The following STOX1 variants were observed in gnomAD, a reference collection of about 807,000 sequenced individuals.
STOX1 encodes storkhead-box protein 1.
In STOX1, 57 loss-of-function variants were observed where a neutral mutation model predicts 74.8. The observed-to-expected ratio is 0.76, with a 90% CI of 0.62 to 0.95. The LOEUF is 0.95. Ranked by LOEUF, STOX1 falls within the 40% of genes least tolerant of loss-of-function variation. The pLI, the probability that STOX1 is intolerant of heterozygous loss-of-function variation, is 0.00. For synonymous variants in STOX1, 375 were observed against 401.3 expected (o/e 0.93, Z 0.78); for missense variants, 1,010 against 1,117.0 (o/e 0.90, Z 1.37).
rs1348407278 is a variant in STOX1 at position 68,885,233 on chromosome 10, T to C, written c.1437T>C (p.Ile479=). 2 of 1,614,162 alleles carry C rather than the reference T, an allele frequency of 1.2e-6. No homozygotes were observed. The highest frequency in any genetic ancestry group is 3.3e-5 in the Admixed American group (2 of 60,022). Residue 479 remains isoleucine (I), a synonymous_variant, in exon 3 of 4, where the codon ATT becomes ATC. Transcript: ENST00000298596. The part of the protein sequence containing the change: ...EMVGQKPLGE[I]TTVLGSHLIY... The stretch of plus-strand genomic sequence containing the variant: ...TAGGTCAGAAACCACTTGGTGAGAT[T>C]ACAACAGTGCTAGGTTCCCATTTGA...
intron 1 of STOX1, among the ~76,000 whole-genome samples, chr10:68,863,655 T>C (rs1227066590): frequency 6.6e-6 from 1 of 152,128 alleles, no homozygotes; most frequent in South Asian, 2.1e-4. Flanking sequence ...AGCCTTAATG[T>C]GAGTGATGTA....
Position 68,885,820 on chromosome 10 carries a change from C to G in STOX1, c.2024C>G (p.Pro675Arg). ...QFQNLGLLDY[P>R]VGVNPLRQAA... ...CAAAATCTTGGCCTTTTGGATTACC[C>G]AGTTGGCGTGAACCCTTTAAGACAA... The change falls in exon 3 of 4, where the codon CCA becomes CGA. Residue 675 changes from proline to arginine, a missense_variant. Pro to Arg is a moderately radical substitution (Grantham distance 103). Transcript: ENST00000298596. 1 of 1,614,034 alleles carries G rather than the reference C, an allele frequency of 6.2e-7. No homozygotes were observed. The highest frequency in any genetic ancestry group is 8.5e-7 in the Non-Finnish European group (1 of 1,180,026).
chr10:68,884,466 A>G lies in STOX1; in HGVS notation c.670A>G (p.Met224Val). 5.0e-6 allele frequency: 8 copies of G among 1,613,888 alleles called. No individual in the cohort carries two copies. The highest frequency in any genetic ancestry group is 4.2e-6 in the Non-Finnish European group (5 of 1,180,032). Residue 224 changes from methionine to valine, a missense_variant, in exon 3 of 4, where the codon ATG becomes GTG. Met to Val is a conservative substitution (Grantham distance 21, BLOSUM62 1). Coordinates refer to ENST00000298596, the MANE Select transcript of STOX1 (RefSeq NM_152709.5). ...MPASMTYLVS[M>V]ESCAESAQEN... ...AGCTTCCATGACATATCTGGTGAGC[A>G]TGGAGAGCTGTGCAGAGTCAGCCCA...
chr10:68,879,080 A>G (rs1244062194), intron 1 of STOX1, among the ~76,000 whole-genome samples: 2 of 152,144 alleles, frequency 1.3e-5, no homozygotes, highest in African/African-American at 4.8e-5. Context: ...TGATCCTCAT[A>G]TGCACATTAA....
In STOX1 at chr10:68,882,897, ATTCT is replaced by A. The variant is rs1400181494; in HGVS notation, c.463+790_463+793del. Among the ~76,000 whole-genome samples, 8 of 152,132 alleles carry A rather than the reference ATTCT, an allele frequency of 5.3e-5. 1 individual carries two copies. The highest frequency in any genetic ancestry group is 7.4e-5 in the Non-Finnish European group (5 of 68,006). ...ATGCTAACATATATTGATATGTCTC[ATTCT>A]TTATTTTACTTGAGACAAGGCCTCA... On this transcript the variant is annotated intron_variant, in intron 2 of 3. Coordinates refer to ENST00000298596, the MANE Select transcript of STOX1 (RefSeq NM_152709.5).
intron 1 of STOX1, among the ~76,000 whole-genome samples, chr10:68,859,349 A>C (rs567101241): frequency 6.6e-6 from 1 of 152,216 alleles, no homozygotes; most frequent in South Asian, 2.1e-4. Flanking sequence ...CTGTAAGGAA[A>C]TACTTCCTCA....
Position 68,884,508 on chromosome 10 carries a change from A to G in STOX1, c.712A>G (p.Ile238Val). The change falls in exon 3 of 4, where the codon ATA becomes GTA. Residue 238 changes from isoleucine (I) to valine (V), a missense_variant. Ile to Val is a conservative substitution (Grantham distance 29). Coordinates refer to ENST00000298596, the MANE Select transcript of STOX1 (RefSeq NM_152709.5). ...AESAQENAAP[I>V]SHCQSCQCFR... ...GTCAGCCCAAGAGAATGCTGCCCCCATATCCCACTGTCAGTCTTGCCAGTG... is the reference window on the plus strand; with the variant it reads ...GTCAGCCCAAGAGAATGCTGCCCCCGTATCCCACTGTCAGTCTTGCCAGTG... The G allele has an allele frequency of 6.2e-7, 1 of 1,613,794 alleles. No homozygotes were observed. Among genetic ancestry groups the G allele is most frequent in the Non-Finnish European group, 8.5e-7 (1 of 1,180,008 alleles).
intron 2 of STOX1, 62 bp from the exon 3 acceptor site, chr10:68,884,198 G>A: frequency 7.0e-7 from 1 of 1,433,012 alleles, no homozygotes; most frequent in South Asian, 1.2e-5. Context: ...CAGAGTTACT[G>A]ATTTCACTCA....
chr10:68,858,058 G>T lies in STOX1; in HGVS notation c.311-23900G>T, dbSNP rs144927668. On this transcript the variant is annotated intron_variant, in intron 1 of 3. Coordinates refer to ENST00000298596, the MANE Select transcript of STOX1 (RefSeq NM_152709.5). ...TAGACTGAAACCCAAGAGAATCTGA[G>T]TTCTTGTCTAGAATGGGGTTAGGTT... 4.0e-3 allele frequency among the ~76,000 whole-genome samples: 605 copies of T among 152,224 alleles called. 3 individuals are homozygous for T. The highest frequency in any genetic ancestry group is 5.9e-3 in the Non-Finnish European group (401 of 68,016).
intron 1 of STOX1, among the ~76,000 whole-genome samples, chr10:68,863,163 ATC>A (rs1840302711): frequency 6.6e-6 from 1 of 152,068 alleles, no homozygotes. Context: ...ACCAAGAGCT[ATC>A]GTTAGTGTAT....
chr10:68,830,846 G>A (rs191108510), intron 1 of STOX1, among the ~76,000 whole-genome samples: 6 of 152,260 alleles, frequency 3.9e-5, no homozygotes, highest in Non-Finnish European at 7.4e-5. Flanking sequence ...GGGGGACAAA[G>A]GGATGCTTTT....
chr10:68,829,333 C>G (rs1441700102), intron 1 of STOX1, among the ~76,000 whole-genome samples: 1 of 152,066 alleles, frequency 6.6e-6, no homozygotes, highest in East Asian at 1.9e-4. Context: ...CTGGCTAATA[C>G]GGTGAAACCC....
At chr10:68,844,898 G>A (rs10762245) in intron 1 of STOX1, among the ~76,000 whole-genome samples, 99,502 of 151,704 alleles carry the variant, frequency 0.66, 32,912 homozygotes, top group Non-Finnish European at 0.7. Context: ...AAGTAGCTGA[G>A]ACTACAGGTG....
At chr10:68,834,825 A>G (rs1839501849) in intron 1 of STOX1, among the ~76,000 whole-genome samples, 1 of 151,986 alleles carries the variant, frequency 6.6e-6, no homozygotes, top group African/African-American at 2.4e-5. Flanking sequence ...CCCGGGTTCA[A>G]GCGATTCTCC....
intron 1 of STOX1, among the ~76,000 whole-genome samples, chr10:68,874,038 C>CTTTTTTTTTTTTTT (rs1589232439): frequency 4.4e-5 from 1 of 22,876 alleles, no homozygotes. Flanking sequence ...TTTTTTTTTG[C>CTTTTTTTTTTTTTT]TTAAATCCAC....
chr10:68,884,305 C>T lies in STOX1; in HGVS notation c.509C>T (p.Thr170Met), dbSNP rs537995029. Residue 170 changes from threonine to methionine, a missense_variant, in exon 3 of 4, where the codon ACG (threonine) becomes ATG (methionine). Transcript: ENST00000298596. Reference protein sequence around the residue: ...SEDILYTTLGTLIKERKIYHT... With the variant: ...SEDILYTTLGMLIKERKIYHT... ...GATATTCTTTATACCACTCTGGGAACGCTGATTAAAGAAAGGAAGATTTAT... is the reference window on the plus strand; with the variant it reads ...GATATTCTTTATACCACTCTGGGAATGCTGATTAAAGAAAGGAAGATTTAT... The T allele has an allele frequency of 1.3e-5, 21 of 1,614,112 alleles. No individual in the cohort carries two copies. Among genetic ancestry groups the T allele is most frequent in the Middle Eastern group, 3.3e-4 (2 of 6,062 alleles).
Position 68,884,719 on chromosome 10 carries a change from G to C in STOX1, c.923G>C (p.Gly308Ala), listed in dbSNP as rs57004679. 727 of 1,614,152 alleles carry C rather than the reference G, an allele frequency of 4.5e-4. 3 individuals carry two copies. In the African/African-American group the frequency reaches 9.0e-3, roughly 20 times the overall value. Residue 308 changes from glycine to alanine, a missense_variant, in exon 3 of 4, where the codon GGC becomes GCC. Physicochemically the swap from Gly to Ala is moderately conservative, Grantham distance 60 (BLOSUM62 0). Coordinates refer to ENST00000298596, the MANE Select transcript of STOX1 (RefSeq NM_152709.5). ...CCATACACAAGAGATAAAGAAAAAG[G>C]CAAGAAGTTTGGTTTTAGTCTCTTA... is the stretch of plus-strand genomic sequence containing the variant. ...PLPYTRDKEK[G>A]KKFGFSLLWR... is the part of the protein sequence containing the mutation.
intron 2 of STOX1, among the ~76,000 whole-genome samples, chr10:68,882,314 A>C (rs373332153): frequency 5.3e-5 from 8 of 152,208 alleles, no homozygotes; most frequent in African/African-American, 1.9e-4. Flanking sequence ...CTTTTCCAAA[A>C]ATAAATGCTT....
At chr10:68,829,842 G>A (rs924824209) in intron 1 of STOX1, among the ~76,000 whole-genome samples, 1 of 152,178 alleles carries the variant, frequency 6.6e-6, no homozygotes, top group African/African-American at 2.4e-5. Flanking sequence ...AGTGAGCCAA[G>A]TAGCCAAGCC....
Sources: allele counts gnomAD v4.1 joint callset (sites outside exome capture counted in the v4.1 genomes callset), GRCh38; gene constraint gnomAD v4.1.1; transcripts MANE v1.5; gene names NCBI Gene and HGNC (gene_info 2026-07-23, HGNC 2026-07-21).